The following DLGAP4 variants were observed in gnomAD, a reference collection of about 807,000 sequenced individuals.
DLGAP4 encodes the protein DLG associated protein 4, also known as disks large-associated protein 4.
A neutral mutation model predicts 86.9 loss-of-function variants in DLGAP4; 18 were observed. The ratio of observed to expected loss-of-function variants is 0.21; its 90% CI spans 0.14 to 0.31. The LOEUF (loss-of-function observed/expected upper bound fraction) is 0.31. Among genes scored for constraint, DLGAP4 ranks in the 10% least tolerant of loss-of-function variants. The probability of loss-of-function intolerance (pLI) is 1.00; values close to 1 mark genes in which losing one functional copy is unlikely to be tolerated. For missense variants in DLGAP4, 1,085 were observed against 1,362.6 expected, an observed-to-expected ratio of 0.80 and a Z score of 3.21; for synonymous variants, 548 against 574.3, an observed-to-expected ratio of 0.95 and a Z score of 0.65.
chr20:36,460,051 G>C (rs920028974), intron 7 of DLGAP4, among the ~76,000 whole-genome samples: 1 of 152,244 alleles, frequency 6.6e-6, no homozygotes, highest in Non-Finnish European at 1.5e-5. Context: ...AAAGGGACTT[G>C]TTCAAGGTCA....
chr20:36,311,397 C>T (rs1205296086), intron 1 of DLGAP4, among the ~76,000 whole-genome samples: 1 of 152,136 alleles, frequency 6.6e-6, no homozygotes, highest in East Asian at 1.9e-4. Flanking sequence ...TCCTCCCTAC[C>T]GAGCTGTCTG....
intron 2 of DLGAP4, among the ~76,000 whole-genome samples, chr20:36,420,568 T>C (rs1269710339): frequency 6.6e-6 from 1 of 152,152 alleles, no homozygotes; most frequent in Non-Finnish European, 1.5e-5. Flanking sequence ...CCAGGCGCAG[T>C]GACCCACACC....
chr20:36,439,795 C>T lies in DLGAP4; in HGVS notation c.1283C>T (p.Ser428Phe), dbSNP rs745417740. 2 of 1,613,914 alleles carry T rather than the reference C, an allele frequency of 1.2e-6. No homozygotes were observed. The highest frequency in any genetic ancestry group is 1.3e-5 in the African/African-American group (1 of 75,046). Reference protein sequence around the residue: ...RLDSVDMLLPSKCPSWEEDYT... With the variant: ...RLDSVDMLLPFKCPSWEEDYT... ...GATTCAGTGGACATGCTGCTGCCCTCCAAGTGTCCGAGCTGGGAAGAGGAC... is the reference window on the plus strand; with the variant it reads ...GATTCAGTGGACATGCTGCTGCCCTTCAAGTGTCCGAGCTGGGAAGAGGAC... Residue 428 changes from serine to phenylalanine, a missense_variant, in exon 5 of 13, where the codon TCC becomes TTC. Physicochemically the swap from Ser to Phe is radical, Grantham distance 155. Coordinates refer to ENST00000339266, the MANE Select transcript of DLGAP4 (RefSeq NM_001365621.2).
At chr20:36,337,134 T>C (rs578142471) in intron 1 of DLGAP4, among the ~76,000 whole-genome samples, 110 of 152,032 alleles carry the variant, frequency 7.2e-4, no homozygotes, top group Non-Finnish European at 1.4e-3. Context: ...AGAAACTGGG[T>C]CTCAGAGAGG....
chr20:36,354,794 TG>T (rs1393308351), intron 1 of DLGAP4, among the ~76,000 whole-genome samples: 4 of 151,976 alleles, frequency 2.6e-5, no homozygotes, highest in African/African-American at 9.7e-5. Context: ...AGAAAAAAAT[TG>T]GCCAGGCGTG....
intron 7 of DLGAP4, among the ~76,000 whole-genome samples, chr20:36,465,759 T>A (rs1161070260): frequency 2.0e-5 from 3 of 152,218 alleles, no homozygotes; most frequent in African/African-American, 7.2e-5. Context: ...GAAGCTCAGA[T>A]GGGCTCTTGC....
chr20:36,521,098 G>A (rs769683853), intron 10 of DLGAP4, among the ~76,000 whole-genome samples: 30 of 152,232 alleles, frequency 2.0e-4, no homozygotes, highest in Non-Finnish European at 4.0e-4. Flanking sequence ...GGGATTACAG[G>A]CATGTGCCAC....
chr20:36,328,832 G>A (rs1217625587), intron 1 of DLGAP4, among the ~76,000 whole-genome samples: 1 of 150,998 alleles, frequency 6.6e-6, no homozygotes, highest in Non-Finnish European at 1.5e-5. Context: ...ATGGAATACA[G>A]TGGCGCGATC....
intron 2 of DLGAP4, among the ~76,000 whole-genome samples, chr20:36,371,295 A>G (rs1414321036): frequency 6.6e-6 from 1 of 152,236 alleles, no homozygotes. Flanking sequence ...ATGCGTTCCA[A>G]GGACATCTCT....
At chr20:36,461,637 C>A in intron 7 of DLGAP4, 2 of 925,298 alleles carry the variant, frequency 2.2e-6, no homozygotes, top group Non-Finnish European at 2.6e-6. Context: ...GCAGCCGCGG[C>A]CCCGCGAGGA....
intron 2 of DLGAP4, among the ~76,000 whole-genome samples, chr20:36,390,897 C>G (rs2031763116): frequency 6.6e-6 from 1 of 152,016 alleles, no homozygotes; most frequent in Admixed American, 6.6e-5. Context: ...GATCCCTTCT[C>G]TAGGTTGAAC....
intron 7 of DLGAP4, among the ~76,000 whole-genome samples, chr20:36,465,029 G>A (rs1169565776): frequency 6.6e-6 from 1 of 152,102 alleles, no homozygotes; most frequent in Admixed American, 6.6e-5. Context: ...TTATGATGAG[G>A]ATTAAATGAG....
chr20:36,447,116 A>C (rs1436065179), intron 7 of DLGAP4, among the ~76,000 whole-genome samples, 179 bp downstream of exon 7: 2 of 152,210 alleles, frequency 1.3e-5, no homozygotes, highest in Non-Finnish European at 2.9e-5. Context: ...CCAATTGGCC[A>C]CTGGAGCTCA....
At chr20:36,448,858 C>T (rs967257012) in intron 7 of DLGAP4, among the ~76,000 whole-genome samples, 2 of 151,902 alleles carry the variant, frequency 1.3e-5, no homozygotes, top group South Asian at 2.1e-4. Flanking sequence ...TGCTTGAACC[C>T]GGGAGGTAGA....
intron 2 of DLGAP4, among the ~76,000 whole-genome samples, chr20:36,404,774 A>G (rs920658164): frequency 6.6e-6 from 1 of 152,246 alleles, no homozygotes; most frequent in East Asian, 1.9e-4. Flanking sequence ...TGAATGAATG[A>G]ATGAATGAAT....
intron 1 of DLGAP4, among the ~76,000 whole-genome samples, chr20:36,318,694 C>T (rs3934590): frequency 0.049 from 7,502 of 152,178 alleles, 616 homozygotes; most frequent in African/African-American, 0.17. Flanking sequence ...ATCTTAACCA[C>T]TGCACCCTCC....
intron 2 of DLGAP4, among the ~76,000 whole-genome samples, chr20:36,430,302 A>T (rs1036520597): frequency 6.6e-6 from 1 of 152,162 alleles, no homozygotes; most frequent in African/African-American, 2.4e-5. Flanking sequence ...TCTTTGCTTC[A>T]TCTCAATTGG....
chr20:36,491,670 G>A (rs181978449), intron 7 of DLGAP4, among the ~76,000 whole-genome samples: 1 of 152,264 alleles, frequency 6.6e-6, no homozygotes, highest in Admixed American at 6.5e-5. Context: ...GGCATGAGAT[G>A]AAGCTGCTGA....
intron 10 of DLGAP4, among the ~76,000 whole-genome samples, chr20:36,520,515 T>A (rs568664994): frequency 3.9e-5 from 6 of 152,046 alleles, no homozygotes; most frequent in Admixed American, 3.9e-4. Context: ...CCTAGCTAAT[T>A]TTTGTATTCT....
Sources: allele counts gnomAD v4.1 joint callset (sites outside exome capture counted in the v4.1 genomes callset), GRCh38; gene constraint gnomAD v4.1.1; transcripts MANE v1.5; gene names NCBI Gene and HGNC (gene_info 2026-07-23, HGNC 2026-07-21).